The following POTEJ variants were observed in gnomAD, a reference collection of about 807,000 sequenced individuals.
POTEJ encodes POTE ankyrin domain family, member J.
In POTEJ, 11 loss-of-function variants were observed where a neutral mutation model predicts 69.0. The observed-to-expected ratio is 0.16, with a 90% CI of 0.10 to 0.26. The LOEUF (loss-of-function observed/expected upper bound fraction) is 0.26, where lower values mean the gene tolerates loss of function less well. POTEJ is among the 10% of genes least tolerant of loss of function. The pLI is 1.00. For missense variants in POTEJ, 327 were observed against 1,045.5 expected (o/e 0.31, Z 9.48); for synonymous variants, 117 against 381.1 (o/e 0.31, Z 8.07).
chr2:130,613,298 A>G (rs1159633984), intron 1 of POTEJ, among the ~76,000 whole-genome samples: 3 of 126,148 alleles, frequency 2.4e-5, no homozygotes, highest in Admixed American at 7.8e-5. Context: ...ACATATATAT[A>G]CATATGTATA....
intron 5 of POTEJ, among the ~76,000 whole-genome samples, chr2:130,621,878 AT>A (rs71273025): frequency 2.1e-5 from 3 of 142,740 alleles, no homozygotes; most frequent in African/African-American, 7.9e-5. Flanking sequence ...ACACCTATGC[AT>A]GGGATAAAAA....
chr2:130,639,227 C>T (rs1686238624), intron 10 of POTEJ, among the ~76,000 whole-genome samples: 1 of 152,312 alleles, frequency 6.6e-6, no homozygotes, highest in Admixed American at 6.5e-5. Context: ...CAGTCTGTGG[C>T]CTGGGAGTTG....
intron 8 of POTEJ, among the ~76,000 whole-genome samples, chr2:130,632,200 T>G (rs1446408948): frequency 1.3e-5 from 2 of 151,146 alleles, no homozygotes; most frequent in South Asian, 2.1e-4. Context: ...GAAGAGTGAT[T>G]GAGAATAAAA....
chr2:130,647,147 A>T (rs1324820096), intron 13 of POTEJ, among the ~76,000 whole-genome samples: 1 of 150,836 alleles, frequency 6.6e-6, no homozygotes, highest in Non-Finnish European at 1.5e-5. Context: ...ATTTTAAAAA[A>T]ATGAGGTTAG....
intron 10 of POTEJ, among the ~76,000 whole-genome samples, chr2:130,640,854 A>G (rs1220042233): frequency 1.3e-5 from 2 of 152,210 alleles, no homozygotes; most frequent in Non-Finnish European, 2.9e-5. Context: ...TTTTTCTGCC[A>G]GAAAGAATGA....
intron 5 of POTEJ, chr2:130,623,059 T>C (rs550816405): frequency 7.2e-6 from 1 of 138,018 alleles, no homozygotes; most frequent in African/African-American, 3.3e-5. Flanking sequence ...GCTGCAAAAA[T>C]AGTCATGTAA....
At chr2:130,648,782 T>TC (rs1686689005) in intron 13 of POTEJ, among the ~76,000 whole-genome samples, 3 of 52,962 alleles carry the variant, frequency 5.7e-5, no homozygotes, top group Non-Finnish European at 7.3e-5. Flanking sequence ...TTTCTCATAG[T>TC]TTTTTTTTTT....
intron 6 of POTEJ, among the ~76,000 whole-genome samples, chr2:130,625,416 T>C (rs1341563908): frequency 1.3e-5 from 2 of 151,706 alleles, no homozygotes; most frequent in African/African-American, 4.9e-5. Context: ...TACTACTTTA[T>C]TCAGTGCTTA....
intron 11 of POTEJ, among the ~76,000 whole-genome samples, chr2:130,645,520 C>T (rs1422504871): frequency 2.1e-5 from 3 of 139,746 alleles, no homozygotes; most frequent in Non-Finnish European, 3.2e-5. Context: ...TGTTAGAAGC[C>T]AGTGATGTGG....
At chr2:130,613,281 T>C (rs868822636) in intron 1 of POTEJ, among the ~76,000 whole-genome samples, 6 of 55,250 alleles carry the variant, frequency 1.1e-4, no homozygotes, top group African/African-American at 1.0e-3. Flanking sequence ...TATACATATG[T>C]ATATATACAT....
intron 14 of POTEJ, among the ~76,000 whole-genome samples, chr2:130,655,841 A>G (rs1338854167): frequency 8.2e-6 from 1 of 122,002 alleles, no homozygotes; most frequent in Non-Finnish European, 1.7e-5. Flanking sequence ...GACCTGGGGA[A>G]AATCCTGCAT....
intron 13 of POTEJ, among the ~76,000 whole-genome samples, chr2:130,648,773 T>A (rs1368300969): frequency 0.018 from 2,539 of 145,030 alleles, 2 homozygotes; most frequent in African/African-American, 0.065. Flanking sequence ...TCAATCTTCT[T>A]TCTCATAGTT....
At chr2:130,636,364 A>G (rs1426110331) in intron 9 of POTEJ, among the ~76,000 whole-genome samples, 1 of 151,066 alleles carries the variant, frequency 6.6e-6, no homozygotes, top group African/African-American at 2.4e-5. Context: ...TCAATGAAAC[A>G]AAGTGATTTA....
intron 10 of POTEJ, among the ~76,000 whole-genome samples, chr2:130,640,663 G>A (rs184436272): frequency 3.8e-4 from 58 of 151,552 alleles, no homozygotes; most frequent in African/African-American, 1.3e-3. Context: ...TTTTAAACAG[G>A]GAGGAAACTT....
At position 130,634,021 on chromosome 2, in the gene POTEJ, C is replaced by A. The variant is rs1251525976; in HGVS notation, c.1298+1365C>A. Among the ~76,000 whole-genome samples the A allele has an allele frequency of 7.9e-5, 12 of 151,042 alleles. No individual in the cohort carries two copies. The South Asian group carries it at 2.5e-3, about 31-fold the overall frequency. On this transcript the variant is annotated intron_variant, in intron 9 of 14. Coordinates refer to ENST00000409602, the MANE Select transcript of POTEJ (RefSeq NM_001277083.2). ...TGACTTTCTGAGCTCTAGTGATCCTCCCACCTCAGCCTCTCTACTAGTTGG... is the reference window on the plus strand; with the variant it reads ...TGACTTTCTGAGCTCTAGTGATCCTACCACCTCAGCCTCTCTACTAGTTGG...
At position 130,615,542 on chromosome 2, in the gene POTEJ, G is replaced by C. The variant is rs865990880; in HGVS notation, c.411-1248G>C. On this transcript the variant is annotated intron_variant, in intron 1 of 14. Coordinates refer to ENST00000409602, the MANE Select transcript of POTEJ (RefSeq NM_001277083.2). ...TACAGCACGTTCTCAATTACAGGTGGGAGCTAAATGGTGAGAACACACAGA... is the reference window on the plus strand; with the variant it reads ...TACAGCACGTTCTCAATTACAGGTGCGAGCTAAATGGTGAGAACACACAGA... 2.9e-5 allele frequency among the ~76,000 whole-genome samples: 4 copies of C among 139,070 alleles called. 1 individual carries two copies. Among genetic ancestry groups the C allele is most frequent in the Middle Eastern group, 3.5e-3 (1 of 282 alleles). The allele number at this position is 139,070 out of a possible 152,430, so 91.2% of individuals were successfully genotyped here.
chr2:130,644,596 A>C (rs1348857613), intron 11 of POTEJ, among the ~76,000 whole-genome samples: 1 of 152,138 alleles, frequency 6.6e-6, no homozygotes, highest in Non-Finnish European at 1.5e-5. Flanking sequence ...ATAACCCACT[A>C]TAAAATTTAA....
chr2:130,643,158 G>A (rs1183015528), intron 10 of POTEJ, among the ~76,000 whole-genome samples: 1 of 145,980 alleles, frequency 6.9e-6, no homozygotes. Context: ...AAGTACTAAG[G>A]CAGCCTCAAG....
At chr2:130,632,020 A>G (rs1219593550) in intron 8 of POTEJ, among the ~76,000 whole-genome samples, 7 of 144,056 alleles carry the variant, frequency 4.9e-5, no homozygotes, top group African/African-American at 1.9e-4. Flanking sequence ...TTAGCGCAGA[A>G]AAGGGCAAAC....
Sources: allele counts gnomAD v4.1 joint callset (sites outside exome capture counted in the v4.1 genomes callset), GRCh38; gene constraint gnomAD v4.1.1; transcripts MANE v1.5; gene names NCBI Gene and HGNC (gene_info 2026-07-23, HGNC 2026-07-21).